LNPEP: variants seen among roughly 807,000 people sequenced by gnomAD.
The protein encoded by LNPEP is leucyl and cystinyl aminopeptidase.
Under a neutral mutation model 120.6 loss-of-function variants are expected in LNPEP, and 64 were observed. The observed-to-expected ratio is 0.53, with a 90% CI of 0.43 to 0.65. The LOEUF (loss-of-function observed/expected upper bound fraction) is 0.65, where lower values mean the gene tolerates loss of function less well. LNPEP is among the 30% of genes least tolerant of loss of function. The pLI is 0.00. For missense variants in LNPEP, 1,057 were observed against 1,200.0 expected (o/e 0.88, Z 1.76); for synonymous variants, 435 against 425.4 (o/e 1.02, Z -0.28).
chr5:97,002,086 T>C (rs38044), intron 8 of LNPEP, among the ~76,000 whole-genome samples: 90,255 of 151,860 alleles, frequency 0.59, 26,881 homozygotes, highest in Middle Eastern at 0.7. Context: ...TTGTAGTGAG[T>C]GGAGGTCGCA....
At position 97,003,472 on chromosome 5, in the gene LNPEP, G is replaced by A; in HGVS notation, c.1711G>A (p.Ala571Thr). The A allele has an allele frequency of 6.2e-7, 1 of 1,601,704 alleles. No homozygotes were observed. Among genetic ancestry groups the A allele is most frequent in the Middle Eastern group, 1.7e-4 (1 of 5,980 alleles). Residue 571 changes from alanine to threonine, a missense_variant, in exon 9 of 18, where the codon GCT becomes ACT. Physicochemically the swap from Ala to Thr is moderately conservative, Grantham distance 58. Transcript: ENST00000231368. Reference sequence around the variant, plus strand: ...CCTTAGTGAAGATGTGTTTCAACATGCTGTTGTCCTTTACCTGCATAATCA... The same window carrying A: ...CCTTAGTGAAGATGTGTTTCAACATACTGTTGTCCTTTACCTGCATAATCA... ...TYLSEDVFQHAVVLYLHNHSY... is the reference protein window; with the variant it reads ...TYLSEDVFQHTVVLYLHNHSY...
chr5:97,022,395 A>G lies in LNPEP; in HGVS notation c.2472A>G (p.Leu824=), dbSNP rs770865518. The part of the protein sequence containing the change: ...PSMRELRSAL[L]EFACTHNLGN... ...TGCGAGAGCTTCGGTCAGCCCTGCT[A>G]GAGTTTGCTTGCACCCACAACCTGG... The change falls in exon 14 of 18, where the codon CTA becomes CTG. Residue 824 remains leucine, a synonymous_variant. Coordinates refer to ENST00000231368, the MANE Select transcript of LNPEP (RefSeq NM_005575.3). The G allele has an allele frequency of 1.4e-5, 23 of 1,613,912 alleles. No homozygotes were observed. In the East Asian group the frequency reaches 4.9e-4, roughly 34 times the overall value.
chr5:96,989,402 ATT>A (rs1338849911), intron 4 of LNPEP, among the ~76,000 whole-genome samples: 1 of 29,114 alleles, frequency 3.4e-5, no homozygotes, highest in African/African-American at 1.1e-4. Flanking sequence ...TATATTATAT[ATT>A]ATATATAATA....
At chr5:97,008,796 C>T (rs534262214) in intron 11 of LNPEP, among the ~76,000 whole-genome samples, 1 of 151,350 alleles carries the variant, frequency 6.6e-6, no homozygotes, top group East Asian at 2.0e-4. Context: ...TCCTGAGTAG[C>T]TGGGACTACA....
intron 1 of LNPEP, among the ~76,000 whole-genome samples, chr5:96,954,968 G>A (rs1374639387): frequency 6.7e-6 from 1 of 148,812 alleles, no homozygotes; most frequent in African/African-American, 2.5e-5. Context: ...ATTTTTAGTA[G>A]AGACGGGGTT....
chr5:96,939,392 C>G (rs1038636996), intron 1 of LNPEP, among the ~76,000 whole-genome samples: 10 of 151,850 alleles, frequency 6.6e-5, no homozygotes, highest in African/African-American at 2.4e-4. Flanking sequence ...TTTTGTATTT[C>G]TAGTAGAAAT....
chr5:96,959,677 G>A (rs751764556), intron 1 of LNPEP, among the ~76,000 whole-genome samples: 1 of 152,058 alleles, frequency 6.6e-6, no homozygotes, highest in Non-Finnish European at 1.5e-5. Flanking sequence ...GATTTAATAT[G>A]ATTTTAGTTT....
At chr5:96,998,197 T>C in intron 8 of LNPEP, 52 bp downstream of exon 8, 1 of 1,363,498 alleles carries the variant, frequency 7.3e-7, no homozygotes, top group African/African-American at 1.5e-5. Flanking sequence ...TTTCGTATAA[T>C]TTCGTATGTG....
chr5:96,958,487 C>T (rs934051224), intron 1 of LNPEP: 1 of 985,522 alleles, frequency 1.0e-6, no homozygotes, highest in Non-Finnish European at 1.2e-6. Flanking sequence ...TGGAGCCGTA[C>T]AGCCATGAAT....
chr5:96,963,466 T>C (rs986581190), intron 1 of LNPEP, among the ~76,000 whole-genome samples: 2 of 152,324 alleles, frequency 1.3e-5, no homozygotes, highest in South Asian at 4.1e-4. Context: ...GTTTCACTCA[T>C]ATCTGCCAGT....
chr5:96,982,176 C>T (rs1790143220), intron 2 of LNPEP, among the ~76,000 whole-genome samples: 1 of 152,104 alleles, frequency 6.6e-6, no homozygotes. Context: ...AGGGAGAACT[C>T]AAACTCAAGG....
intron 1 of LNPEP, among the ~76,000 whole-genome samples, chr5:96,963,597 G>T (rs1225656877): frequency 2.0e-5 from 3 of 152,120 alleles, no homozygotes; most frequent in Admixed American, 6.6e-5. Context: ...AAGCTACAAG[G>T]CCTCTTAAAG....
chr5:97,037,467 A>G lies in LNPEP; in HGVS notation c.*8934A>G, dbSNP rs759142164. ...CTGAAAGGCATGTGTAGCTGCAAAC[A>G]CTGTTGCTTTTTTTGTGAAATGAAA... is the stretch of plus-strand genomic sequence containing the variant. On this transcript the variant is annotated 3_prime_UTR_variant, in exon 18 of 18. Coordinates refer to ENST00000231368, the MANE Select transcript of LNPEP (RefSeq NM_005575.3). The G allele has an allele frequency of 3.9e-5, 6 of 152,182 alleles. No homozygotes were observed. Among genetic ancestry groups the G allele is most frequent in the African/African-American group, 7.2e-5 (3 of 41,460 alleles). The allele number at this position is 152,182 out of a possible 1,614,324, so 9.4% of individuals were successfully genotyped here.
intron 1 of LNPEP, among the ~76,000 whole-genome samples, chr5:96,938,803 C>T (rs1788983409): frequency 6.6e-6 from 1 of 152,040 alleles, no homozygotes; most frequent in Admixed American, 6.6e-5. Flanking sequence ...TTGGCTTTGT[C>T]CTTGGGAGGG....
At chr5:96,980,150 G>A (rs929936974) in intron 2 of LNPEP, among the ~76,000 whole-genome samples, 172 bp downstream of exon 2, 2 of 151,924 alleles carry the variant, frequency 1.3e-5, no homozygotes, top group Admixed American at 6.6e-5. Context: ...CTTAGTCAAC[G>A]CCTTGAGCAT....
Position 96,979,440 on chromosome 5 carries a change from G to A in LNPEP, c.322G>A (p.Ala108Thr). ...AGATGGGGCTTGTTCAGTACCCTCT[G>A]CAAGGACCATGGTGGTCTGTGCTTT... Reference protein sequence around the residue: ...SPDGACSVPSARTMVVCAFVI... With the variant: ...SPDGACSVPSTRTMVVCAFVI... The change falls in exon 2 of 18, where the codon GCA becomes ACA. Residue 108 changes from alanine to threonine, a missense_variant. Ala to Thr is a moderately conservative substitution (Grantham distance 58). Transcript: ENST00000231368. 6.2e-7 allele frequency: 1 copy of A among 1,614,074 alleles called. No individual in the cohort carries two copies. Among genetic ancestry groups the A allele is most frequent in the Non-Finnish European group, 8.5e-7 (1 of 1,179,960 alleles).
In LNPEP at chr5:97,018,449, C is replaced by A. The variant is rs142827998; in HGVS notation, c.2376+3354C>A. Reference sequence around the variant, plus strand: ...TTAGGAACATACTTCAAGGAGGGATCTAGGGACTGATGGATAGAGAGGAAG... The same window carrying A: ...TTAGGAACATACTTCAAGGAGGGATATAGGGACTGATGGATAGAGAGGAAG... On this transcript the variant is annotated intron_variant, in intron 13 of 17. Coordinates refer to ENST00000231368, the MANE Select transcript of LNPEP (RefSeq NM_005575.3). Among the ~76,000 whole-genome samples the A allele has an allele frequency of 7.6e-3, 1,150 of 152,136 alleles. 15 individuals are homozygous for A. Among genetic ancestry groups the A allele is most frequent in the African/African-American group, 0.026 (1,096 of 41,490 alleles).
chr5:96,962,164 C>G (rs998874197), intron 1 of LNPEP, among the ~76,000 whole-genome samples: 1 of 152,174 alleles, frequency 6.6e-6, no homozygotes, highest in Admixed American at 6.6e-5. Context: ...GACCCCCCAG[C>G]CTTCTCCAGA....
At position 96,957,662 on chromosome 5, in the gene LNPEP, A is replaced by C. The variant is rs534443286; in HGVS notation, c.20-21476A>C. Among the ~76,000 whole-genome samples the C allele has an allele frequency of 9.4e-4, 143 of 152,322 alleles. 2 individuals are homozygous for C. The South Asian group carries it at 0.02, about 21-fold the overall frequency. On this transcript the variant is annotated intron_variant, in intron 1 of 17. Coordinates refer to ENST00000231368, the MANE Select transcript of LNPEP (RefSeq NM_005575.3). ...AAGCTAAGGAATGTAAGCAGTTTCTAGAAGCTGAAAAACAGAAAGAAACGG... is the reference window on the plus strand; with the variant it reads ...AAGCTAAGGAATGTAAGCAGTTTCTCGAAGCTGAAAAACAGAAAGAAACGG...
Sources: gnomAD v4.1 joint callset for allele counts (sites outside exome capture counted in the v4.1 genomes callset) on GRCh38, gnomAD v4.1.1 for gene constraint, MANE v1.5 for transcripts, NCBI Gene and HGNC (gene_info 2026-07-23, HGNC 2026-07-21) for gene names.